The following DCAF8L2 variants were observed in gnomAD, a reference collection of about 807,000 sequenced individuals.
DCAF8L2 encodes the protein DDB1 and CUL4 associated factor 8 like 2.
For synonymous variants in DCAF8L2, 200 were observed against 190.9 expected (o/e 1.05, Z -0.39); for missense variants, 430 against 490.7 (o/e 0.88, Z 1.17).
intron 2 of DCAF8L2, among the ~76,000 whole-genome samples, chrX:27,644,779 G>A (rs1205512997): frequency 1.8e-5 from 2 of 112,050 alleles, no homozygotes; most frequent in African/African-American, 6.5e-5. Context: ...TTTTTGAGAT[G>A]GAGTCTTGCT....
the DCAF8L2 span, among the ~76,000 whole-genome samples, chrX:27,513,034 A>G: frequency 9.0e-6 from 1 of 111,400 alleles, no homozygotes; most frequent in Non-Finnish European, 1.9e-5. Context: ...GGACAACTGT[A>G]TATCCACATG....
the DCAF8L2 span, among the ~76,000 whole-genome samples, chrX:27,502,334 AAATATATATATATATATATATATATAT>A: frequency 2.0e-4 from 5 of 24,963 alleles, 1 homozygote; most frequent in South Asian, 0.012. Context: ...AAAAAAAAAA[AAATATATATATATATATATATATATAT>A]ATATATATAT....
the DCAF8L2 span, among the ~76,000 whole-genome samples, chrX:27,484,250 A>AC: frequency 9.0e-6 from 1 of 111,697 alleles, no homozygotes; most frequent in Non-Finnish European, 1.9e-5. Flanking sequence ...CAATGCCTGA[A>AC]CTAGTATTCA....
chrX:27,663,455 T>C (rs1412301381), intron 2 of DCAF8L2, among the ~76,000 whole-genome samples: 2 of 111,760 alleles, frequency 1.8e-5, no homozygotes, highest in African/African-American at 6.5e-5. Context: ...TTGAAACTTT[T>C]TCATTTTTAT....
intron 4 of DCAF8L2, among the ~76,000 whole-genome samples, chrX:27,724,489 A>C (rs1932005240): frequency 9.0e-6 from 1 of 110,797 alleles, no homozygotes; most frequent in Non-Finnish European, 1.9e-5. Context: ...TGAGTTTGTA[A>C]CTGTTTGGAA....
chrX:27,546,809 C>A, the DCAF8L2 span, among the ~76,000 whole-genome samples: 1 of 112,089 alleles, frequency 8.9e-6, no homozygotes, highest in Non-Finnish European at 1.9e-5. Context: ...AGCAGGAAGG[C>A]CCTGAGCTCA....
At position 27,748,086 on chromosome X, in the gene DCAF8L2, G is replaced by A; in HGVS notation, c.1191G>A (p.Arg397=). ...QDQFVRIYDQ[R]KIDKKENNGV... is the part of the protein sequence containing the mutation. ...AGTTTGTAAGGATTTATGACCAGAG[G>A]AAAATTGATAAGAAAGAAAACAATG... The change falls in exon 5 of 5, where the codon AGG becomes AGA. Residue 397 remains arginine, a synonymous_variant. Transcript: ENST00000451261. 1 of 1,211,824 alleles carries A rather than the reference G, an allele frequency of 8.3e-7. No individual in the cohort carries two copies. The highest frequency in any genetic ancestry group is 1.1e-6 in the Non-Finnish European group (1 of 895,495).
At chrX:27,532,060 T>A in the DCAF8L2 span, among the ~76,000 whole-genome samples, 3 of 97,257 alleles carry the variant, frequency 3.1e-5, no homozygotes, top group South Asian at 8.4e-4. Context: ...TAAATTGATA[T>A]CGATATATAT....
the DCAF8L2 span, among the ~76,000 whole-genome samples, chrX:27,513,859 A>G: frequency 1.8e-5 from 2 of 111,244 alleles, no homozygotes; most frequent in East Asian, 5.6e-4. Context: ...ACCCCAGTCA[A>G]AATGATTATT....
At chrX:27,621,567 A>T (rs1231097899) in intron 1 of DCAF8L2, among the ~76,000 whole-genome samples, 2 of 111,721 alleles carry the variant, frequency 1.8e-5, no homozygotes, top group African/African-American at 6.5e-5. Context: ...AATCATTAGT[A>T]ATCAACAAAA....
the DCAF8L2 span, among the ~76,000 whole-genome samples, chrX:27,484,542 C>G: frequency 9.0e-6 from 1 of 111,174 alleles, no homozygotes; most frequent in Non-Finnish European, 1.9e-5. Flanking sequence ...CTCCTGTATT[C>G]TTTATAGATA....
chrX:27,493,575 G>T, the DCAF8L2 span, among the ~76,000 whole-genome samples: 2 of 108,589 alleles, frequency 1.8e-5, no homozygotes, highest in Admixed American at 9.9e-5. Flanking sequence ...GCCAGGTGTG[G>T]TGGTGCTCCC....
chrX:27,733,158 T>C (rs906354326), intron 4 of DCAF8L2, among the ~76,000 whole-genome samples: 4 of 111,092 alleles, frequency 3.6e-5, no homozygotes, highest in Non-Finnish European at 5.7e-5. Context: ...TGCCCGGCCA[T>C]GGTTTCCCTT....
At chrX:27,528,013 T>C in the DCAF8L2 span, among the ~76,000 whole-genome samples, 1 of 101,714 alleles carries the variant, frequency 9.8e-6, no homozygotes, top group African/African-American at 3.9e-5. Flanking sequence ...AATTTTTAAT[T>C]TAATTAATTA....
At chrX:27,732,119 T>C (rs1921240332) in intron 4 of DCAF8L2, among the ~76,000 whole-genome samples, 1 of 111,771 alleles carries the variant, frequency 8.9e-6, no homozygotes, top group African/African-American at 3.3e-5. Flanking sequence ...TCTCCTTACA[T>C]AGTTACCCTT....
At chrX:27,517,957 G>T in the DCAF8L2 span, 8 of 1,194,434 alleles carry the variant, frequency 6.7e-6, no homozygotes, top group Non-Finnish European at 9.1e-6. Context: ...TGGTTTTTTT[G>T]GGCTGCAGTA....
intron 2 of DCAF8L2, among the ~76,000 whole-genome samples, chrX:27,647,548 G>T (rs760008705): frequency 3.6e-5 from 4 of 111,647 alleles, no homozygotes; most frequent in Admixed American, 2.9e-4. Flanking sequence ...TCCTCCACAT[G>T]TACCACAGAA....
intron 1 of DCAF8L2, among the ~76,000 whole-genome samples, chrX:27,629,303 C>G (rs892925703): frequency 3.6e-5 from 4 of 111,861 alleles, no homozygotes; most frequent in African/African-American, 9.7e-5. Context: ...TGTAGCAACT[C>G]TTCTCCTGTT....
the DCAF8L2 span, among the ~76,000 whole-genome samples, chrX:27,566,594 C>T: frequency 9.0e-6 from 1 of 110,620 alleles, no homozygotes; most frequent in Non-Finnish European, 1.9e-5. Context: ...TCTCCTTTTG[C>T]ATTTCTGATT....
Sources: gnomAD v4.1 joint callset for allele counts (sites outside exome capture counted in the v4.1 genomes callset) on GRCh38, gnomAD v4.1.1 for gene constraint, MANE v1.5 for transcripts, NCBI Gene and HGNC (gene_info 2026-07-23, HGNC 2026-07-21) for gene names.